The following FYN variants were observed in gnomAD, a reference collection of about 807,000 sequenced individuals.
The protein encoded by FYN is tyrosine-protein kinase Fyn.
A neutral mutation model predicts 70.2 loss-of-function variants in FYN; 10 were observed. The ratio of observed to expected loss-of-function variants is 0.14; its 90% CI spans 0.09 to 0.24. The LOEUF (loss-of-function observed/expected upper bound fraction) is 0.24. Ranked by LOEUF, FYN falls within the 10% of genes least tolerant of loss-of-function variation. The probability of loss-of-function intolerance (pLI) is 1.00; values close to 1 mark genes in which losing one functional copy is unlikely to be tolerated. For missense variants in FYN, 319 were observed against 673.1 expected (o/e 0.47, Z 5.82); for synonymous variants, 236 against 248.6 (o/e 0.95, Z 0.48).
chr6:111,780,890 C>A, intron 2 of FYN, among the ~76,000 whole-genome samples: 1 of 152,172 alleles, frequency 6.6e-6, no homozygotes, highest in Non-Finnish European at 1.5e-5. Context: ...TTATAAATAT[C>A]TGAATGTTTA....
At chr6:111,781,395 G>C (rs1008948965) in intron 2 of FYN, among the ~76,000 whole-genome samples, 3 of 152,148 alleles carry the variant, frequency 2.0e-5, no homozygotes, top group Admixed American at 1.3e-4. Context: ...GCATACACTG[G>C]TCTCTTGGCC....
chr6:111,714,616 T>C, intron 4 of FYN, 173 bp from the exon 5 acceptor site: 3 of 598,586 alleles, frequency 5.0e-6, no homozygotes, highest in Non-Finnish European at 8.9e-6. Context: ...GCTGTGTTTA[T>C]GCCTTGGTCT....
At chr6:111,705,863 G>A (rs1484223343) in intron 6 of FYN, among the ~76,000 whole-genome samples, 1 of 152,060 alleles carries the variant, frequency 6.6e-6, no homozygotes, top group Non-Finnish European at 1.5e-5. Context: ...TGCCCAGCAT[G>A]GTCTCAAACT....
intron 2 of FYN, among the ~76,000 whole-genome samples, chr6:111,837,016 C>T (rs1466052201): frequency 6.6e-6 from 1 of 152,108 alleles, no homozygotes; most frequent in African/African-American, 2.4e-5. Flanking sequence ...ATTATGATAA[C>T]TGTCAAAAGT....
chr6:111,751,910 T>C (rs2128487647), intron 3 of FYN, among the ~76,000 whole-genome samples: 1 of 152,308 alleles, frequency 6.6e-6, no homozygotes, highest in South Asian at 2.1e-4. Flanking sequence ...TGAGCCACCA[T>C]GCTTAGCTTC....
intron 13 of FYN, among the ~76,000 whole-genome samples, chr6:111,672,831 A>G (rs1433135383): frequency 6.6e-6 from 1 of 152,062 alleles, no homozygotes; most frequent in East Asian, 1.9e-4. Context: ...ATCCTGGTCT[A>G]AGTGGTAAAA....
intron 3 of FYN, among the ~76,000 whole-genome samples, chr6:111,756,167 A>T (rs954394126): frequency 1.3e-5 from 2 of 152,148 alleles, no homozygotes; most frequent in African/African-American, 4.8e-5. Context: ...GAACATAACT[A>T]CAGATTCAGC....
chr6:111,709,816 G>C (rs1383306637), intron 5 of FYN, among the ~76,000 whole-genome samples: 3 of 152,140 alleles, frequency 2.0e-5, no homozygotes, highest in Non-Finnish European at 4.4e-5. Flanking sequence ...TCTGCACTGT[G>C]CTGCTCCCCT....
chr6:111,673,985 T>C (rs1294425926), intron 13 of FYN, among the ~76,000 whole-genome samples: 2 of 152,126 alleles, frequency 1.3e-5, no homozygotes, highest in Admixed American at 6.5e-5. Flanking sequence ...TGGCTCTAAA[T>C]TGCATTTCAC....
intron 13 of FYN, among the ~76,000 whole-genome samples, chr6:111,665,632 T>A (rs909671460): frequency 1.3e-5 from 2 of 151,874 alleles, no homozygotes; most frequent in East Asian, 3.9e-4. Context: ...ATTTATTTAT[T>A]TTTTTTTGAG....
In FYN at chr6:111,688,821, C is replaced by T. The variant is rs150171832; in HGVS notation, c.1273+5554G>A. Among the ~76,000 whole-genome samples, 199 of 152,222 alleles carry T rather than the reference C, an allele frequency of 1.3e-3. 2 individuals are homozygous for T. The East Asian group carries it at 0.014, about 11-fold the overall frequency. The stretch of plus-strand genomic sequence containing the variant: ...AATATGAGAAAATAGGCAAGCTGGC[C>T]GGAGATGAGGACAGTGGATGTGTGA... On this transcript the variant is annotated intron_variant, in intron 12 of 13. Transcript: ENST00000354650.
chr6:111,688,307 C>T (rs772646901), intron 12 of FYN, among the ~76,000 whole-genome samples: 1 of 152,176 alleles, frequency 6.6e-6, no homozygotes, highest in Non-Finnish European at 1.5e-5. Flanking sequence ...ACTCCAAAGA[C>T]AATCTTGGAG....
chr6:111,719,874 C>T lies in FYN; in HGVS notation c.178G>A (p.Gly60Arg). 2 of 1,614,124 alleles carry T rather than the reference C, an allele frequency of 1.2e-6. No homozygotes were observed. The highest frequency in any genetic ancestry group is 1.7e-6 in the Non-Finnish European group (2 of 1,180,004). The change falls in exon 4 of 14, where the codon GGA (glycine) becomes AGA (arginine). Residue 60 changes from glycine to arginine, a missense_variant. This residue lies in a region of FYN where 128 missense variants were observed against 183.9 expected (regional missense o/e 0.70). Coordinates refer to ENST00000354650, the MANE Select transcript of FYN (RefSeq NM_002037.5). ...TTCACACCTCCAAAGACGGTGAGTC[C>T]TTGGCCCCCGGCTGCGTGGAAGTTG... The part of the protein sequence containing the change: ...YNNFHAAGGQ[G>R]LTVFGGVNSS...
At chr6:111,801,323 G>C (rs557030742) in intron 2 of FYN, among the ~76,000 whole-genome samples, 37 of 152,228 alleles carry the variant, frequency 2.4e-4, no homozygotes, top group African/African-American at 8.7e-4. Context: ...GGTAAACCAT[G>C]GCCATCATCA....
intron 1 of FYN, among the ~76,000 whole-genome samples, chr6:111,851,892 CT>C (rs59674985): frequency 0.12 from 17,179 of 144,626 alleles, 1,221 homozygotes; most frequent in African/African-American, 0.21. Flanking sequence ...CAAATCTTCC[CT>C]TTTTTTTTTT....
intron 9 of FYN, among the ~76,000 whole-genome samples, chr6:111,698,538 T>C (rs1000217188): frequency 6.6e-6 from 1 of 152,188 alleles, no homozygotes; most frequent in African/African-American, 2.4e-5. Flanking sequence ...GGAAGGAAGA[T>C]AGAGGATTCC....
intron 1 of FYN, among the ~76,000 whole-genome samples, chr6:111,859,885 A>G (rs1773914254): frequency 1.3e-5 from 2 of 152,244 alleles, no homozygotes; most frequent in Admixed American, 1.3e-4. Context: ...ATATCAAGAT[A>G]AGAATATCCC....
At chr6:111,679,542 A>G (rs1429927769) in intron 12 of FYN, among the ~76,000 whole-genome samples, 1 of 152,190 alleles carries the variant, frequency 6.6e-6, no homozygotes, top group African/African-American at 2.4e-5. Flanking sequence ...ATGAATGAGT[A>G]GCTGGTCAGC....
intron 3 of FYN, among the ~76,000 whole-genome samples, chr6:111,767,424 T>C (rs565569400): frequency 4.9e-4 from 75 of 152,274 alleles, no homozygotes; most frequent in Non-Finnish European, 8.4e-4. Context: ...TTCTTTTAGA[T>C]GAAGTCTCGC....
Sources: allele counts gnomAD v4.1 joint callset (sites outside exome capture counted in the v4.1 genomes callset), GRCh38; gene constraint gnomAD v4.1.1; regional missense constraint gnomAD v4.1.1; transcripts MANE v1.5; gene names NCBI Gene and HGNC (gene_info 2026-07-23, HGNC 2026-07-21).